The following RAI14 variants were observed in gnomAD, a reference collection of about 807,000 sequenced individuals.
RAI14 encodes the protein ankycorbin.
RAI14 carries 45 observed loss-of-function variants against 115.4 expected under a neutral mutation model. The ratio of observed to expected loss-of-function variants is 0.39; its 90% CI spans 0.31 to 0.50. RAI14 has a LOEUF of 0.50. RAI14 is among the 20% of genes least tolerant of loss of function. The probability of loss-of-function intolerance (pLI) is 0.85; values close to 1 mark genes in which losing one functional copy is unlikely to be tolerated. For synonymous variants in RAI14, 371 were observed against 415.4 expected (o/e 0.89, Z 1.30); for missense variants, 939 against 1,131.2 (o/e 0.83, Z 2.44).
intron 3 of RAI14, among the ~76,000 whole-genome samples, chr5:34,788,053 A>G (rs1752524501): frequency 6.6e-6 from 1 of 151,280 alleles, no homozygotes; most frequent in South Asian, 2.1e-4. Context: ...AGTAGTTGGG[A>G]CTACAAGCAT....
At chr5:34,787,714 TTG>T (rs1431030196) in intron 3 of RAI14, among the ~76,000 whole-genome samples, 3 of 152,022 alleles carry the variant, frequency 2.0e-5, no homozygotes, top group African/African-American at 7.2e-5. Flanking sequence ...AGCAACTTAA[TTG>T]TGCATTTTTA....
intron 3 of RAI14, among the ~76,000 whole-genome samples, chr5:34,759,033 G>T (rs1055808085): frequency 2.6e-5 from 4 of 152,104 alleles, no homozygotes; most frequent in African/African-American, 9.7e-5. Flanking sequence ...AGGCCGAGGC[G>T]GGTGGAATCA....
intron 6 of RAI14, 74 bp from the exon 7 acceptor site, chr5:34,808,510 C>A: frequency 1.5e-6 from 2 of 1,340,794 alleles, no homozygotes; most frequent in Non-Finnish European, 2.1e-6. Context: ...ACATTTCCTT[C>A]CTGAAGTATC....
At chr5:34,822,656 T>C (rs1400477859) in intron 14 of RAI14, among the ~76,000 whole-genome samples, 2 of 134,034 alleles carry the variant, frequency 1.5e-5, no homozygotes, top group Non-Finnish European at 3.2e-5. Context: ...TAACCACGCC[T>C]TTGGTATCTT....
chr5:34,728,042 G>T (rs866931630), intron 2 of RAI14, among the ~76,000 whole-genome samples: 2 of 152,178 alleles, frequency 1.3e-5, no homozygotes, highest in African/African-American at 4.8e-5. Flanking sequence ...TGTGGCCTGG[G>T]TGTGAGACTT....
intron 14 of RAI14, among the ~76,000 whole-genome samples, chr5:34,822,270 AT>A (rs1756936230): frequency 2.0e-5 from 3 of 146,784 alleles, no homozygotes; most frequent in East Asian, 2.0e-4. Context: ...ATATATATAT[AT>A]ATAAAATATT....
intron 3 of RAI14, among the ~76,000 whole-genome samples, chr5:34,764,217 C>T (rs187172314): frequency 1.3e-5 from 2 of 152,268 alleles, no homozygotes; most frequent in Admixed American, 1.3e-4. Flanking sequence ...TTTAAGAGCT[C>T]ATCAGAGCAA....
At chr5:34,743,079 G>T (rs934697219) in intron 2 of RAI14, among the ~76,000 whole-genome samples, 3 of 152,212 alleles carry the variant, frequency 2.0e-5, no homozygotes, top group African/African-American at 7.2e-5. Context: ...GTCAGTAGGG[G>T]TGGAGTCCTC....
Position 34,803,706 on chromosome 5 carries a change from A to T in RAI14, c.257-6A>T, listed in dbSNP as rs376810134. The T allele has an allele frequency of 2.2e-4, 346 of 1,603,982 alleles. 1 individual carries two copies. The highest frequency in any genetic ancestry group is 1.3e-4 in the Non-Finnish European group (150 of 1,174,664). On this transcript the variant is annotated splice_region_variant and splice_polypyrimidine_tract_variant and intron_variant, in intron 4 of 17. Transcript: ENST00000265109. ...AAAAAATTATTATTTGAAAAAATCC[A>T]TTTAGGACACAGCGCCTTACATCTC...
intron 3 of RAI14, among the ~76,000 whole-genome samples, chr5:34,785,866 AT>A (rs1369964856): frequency 2.0e-5 from 3 of 152,208 alleles, no homozygotes; most frequent in Non-Finnish European, 2.9e-5. Flanking sequence ...AGATAAAACA[AT>A]TTGAGTTGCC....
At chr5:34,687,643 G>A in intron 2 of RAI14, 11 of 1,550,890 alleles carry the variant, frequency 7.1e-6, no homozygotes, top group Admixed American at 3.9e-5. Context: ...TCCCAGTCTT[G>A]TATTAGCTGC....
chr5:34,732,074 T>C (rs1003893749), intron 2 of RAI14, among the ~76,000 whole-genome samples: 3 of 151,450 alleles, frequency 2.0e-5, no homozygotes, highest in Non-Finnish European at 4.4e-5. Flanking sequence ...GCCCCTGGAG[T>C]TGGGGTGGTC....
chr5:34,716,381 T>C (rs573950638), intron 2 of RAI14, among the ~76,000 whole-genome samples: 1 of 152,214 alleles, frequency 6.6e-6, no homozygotes, highest in South Asian at 2.1e-4. Flanking sequence ...GCTTTTGTCA[T>C]GTGGGTAGCT....
At chr5:34,747,279 G>T (rs541931757) in intron 2 of RAI14, among the ~76,000 whole-genome samples, 13 of 152,278 alleles carry the variant, frequency 8.5e-5, no homozygotes, top group Non-Finnish European at 1.5e-4. Context: ...ACCTCATAGG[G>T]TTATTGTAAA....
At chr5:34,769,524 C>A (rs895931021) in intron 3 of RAI14, among the ~76,000 whole-genome samples, 1 of 152,110 alleles carries the variant, frequency 6.6e-6, no homozygotes, top group African/African-American at 2.4e-5. Flanking sequence ...AACTCAGTGA[C>A]CTAGAATTTA....
chr5:34,728,854 T>G (rs1743815366), intron 2 of RAI14, among the ~76,000 whole-genome samples: 1 of 151,914 alleles, frequency 6.6e-6, no homozygotes, highest in Non-Finnish European at 1.5e-5. Flanking sequence ...TTGAGGAGTT[T>G]AAGGCTGCAG....
chr5:34,759,246 G>C (rs1748294877), intron 3 of RAI14, among the ~76,000 whole-genome samples: 1 of 151,746 alleles, frequency 6.6e-6, no homozygotes, highest in Admixed American at 6.6e-5. Context: ...TTGGGTGACA[G>C]AGCAAGACTC....
intron 5 of RAI14, among the ~76,000 whole-genome samples, chr5:34,805,530 T>TA (rs1416100993): frequency 6.6e-6 from 1 of 152,186 alleles, no homozygotes; most frequent in Non-Finnish European, 1.5e-5. Flanking sequence ...AATAGAGCCT[T>TA]TTGAGATTCT....
In RAI14 at chr5:34,781,256, C is replaced by T. The variant is rs554608906; in HGVS notation, c.168-14683C>T. Among the ~76,000 whole-genome samples, 985 of 151,094 alleles carry T rather than the reference C, an allele frequency of 6.5e-3. 16 individuals are homozygous for T. Among genetic ancestry groups the T allele is most frequent in the African/African-American group, 0.022 (912 of 41,088 alleles). Reference sequence around the variant, plus strand: ...GGGAGGGGGGAGGGATAGCATTAGGCGATATACCTAATGTAAATGACGAGT... The same window carrying T: ...GGGAGGGGGGAGGGATAGCATTAGGTGATATACCTAATGTAAATGACGAGT... On this transcript the variant is annotated intron_variant, in intron 3 of 17. Coordinates refer to ENST00000265109, the MANE Select transcript of RAI14 (RefSeq NM_015577.3).
Sources: allele counts gnomAD v4.1 joint callset (sites outside exome capture counted in the v4.1 genomes callset), GRCh38; gene constraint gnomAD v4.1.1; transcripts MANE v1.5; gene names NCBI Gene and HGNC (gene_info 2026-07-23, HGNC 2026-07-21).